Variants in CHLSN observed in about 807,000 individuals in gnomAD.
The protein encoded by CHLSN is protein cholesin.
chr7:1,083,420 C>G, the CHLSN span, among the ~76,000 whole-genome samples: 1 of 151,726 alleles, frequency 6.6e-6, no homozygotes, highest in African/African-American at 2.4e-5. Flanking sequence ...GTCAGGAGAT[C>G]GAGACCATCC....
the CHLSN span, among the ~76,000 whole-genome samples, chr7:1,061,844 T>G: frequency 2.9e-5 from 4 of 139,916 alleles, no homozygotes; most frequent in Non-Finnish European, 6.1e-5. Flanking sequence ...TCTCCCCAAC[T>G]CCCCAATTCT....
the CHLSN span, among the ~76,000 whole-genome samples, chr7:1,005,060 C>T: frequency 2.6e-5 from 4 of 152,250 alleles, no homozygotes; most frequent in African/African-American, 7.2e-5. Context: ...TTTGGGAGGC[C>T]GAGGGCGGAT....
At chr7:998,898 T>C in the CHLSN span, among the ~76,000 whole-genome samples, 4 of 152,238 alleles carry the variant, frequency 2.6e-5, no homozygotes, top group Non-Finnish European at 4.4e-5. Context: ...AGCTTTTAAA[T>C]TTAAGTCTCT....
At chr7:1,010,502 G>T in the CHLSN span, among the ~76,000 whole-genome samples, 1 of 152,216 alleles carries the variant, frequency 6.6e-6, no homozygotes, top group African/African-American at 2.4e-5. Flanking sequence ...CCCAGGGAGG[G>T]CTGAAGGTGT....
At chr7:1,126,992 A>G in the CHLSN span, among the ~76,000 whole-genome samples, 2 of 151,916 alleles carry the variant, frequency 1.3e-5, no homozygotes, top group Non-Finnish European at 2.9e-5. Context: ...GCATGCCGCC[A>G]CCAAGTCCCC....
the CHLSN span, among the ~76,000 whole-genome samples, chr7:1,061,141 G>C: frequency 6.6e-6 from 1 of 152,206 alleles, no homozygotes. Flanking sequence ...AAAGGCAGGA[G>C]GGGCCTAAAA....
chr7:1,017,240 G>C, the CHLSN span, among the ~76,000 whole-genome samples: 1 of 152,220 alleles, frequency 6.6e-6, no homozygotes. Flanking sequence ...AGGACCCACT[G>C]TCTCTCAGAG....
At chr7:994,898 C>T in the CHLSN span, among the ~76,000 whole-genome samples, 1 of 152,288 alleles carries the variant, frequency 6.6e-6, no homozygotes, top group Non-Finnish European at 1.5e-5. Flanking sequence ...CATGCCCACG[C>T]TAAGTTTGGC....
At chr7:1,136,376 AT>A in the CHLSN span, among the ~76,000 whole-genome samples, 10 of 103,024 alleles carry the variant, frequency 9.7e-5, 1 homozygote, top group African/African-American at 2.3e-4. Flanking sequence ...ATAAATATAT[AT>A]AAATATATAA....
chr7:980,244 A>G, the CHLSN span, among the ~76,000 whole-genome samples: 1 of 143,974 alleles, frequency 6.9e-6, no homozygotes, highest in Non-Finnish European at 1.5e-5. Context: ...CCTGCCTCTG[A>G]TGTCAGGGGC....
At chr7:1,067,969 G>A in the CHLSN span, among the ~76,000 whole-genome samples, 2 of 152,240 alleles carry the variant, frequency 1.3e-5, no homozygotes, top group South Asian at 2.1e-4. Flanking sequence ...GAGGCTTCCC[G>A]CCTCTGGCAG....
the CHLSN span, among the ~76,000 whole-genome samples, chr7:1,013,781 A>T: frequency 6.6e-6 from 1 of 152,168 alleles, no homozygotes; most frequent in Non-Finnish European, 1.5e-5. Flanking sequence ...AAGTACAGTC[A>T]CCCTATCTCA....
chr7:1,053,370 G>A, the CHLSN span, among the ~76,000 whole-genome samples: 15 of 152,246 alleles, frequency 9.9e-5, no homozygotes, highest in Admixed American at 9.8e-4. Flanking sequence ...CCCGGCTAAT[G>A]TGCCCGGAAC....
At chr7:986,939 T>C in the CHLSN span, 1 of 1,323,626 alleles carries the variant, frequency 7.6e-7, no homozygotes, top group Non-Finnish European at 1.0e-6. Context: ...AGCCTCAGTC[T>C]CCTTGTCTGT....
chr7:1,062,530 T>C, the CHLSN span, among the ~76,000 whole-genome samples: 12 of 152,268 alleles, frequency 7.9e-5, no homozygotes, highest in Non-Finnish European at 1.0e-4. Context: ...AGGGAGTACC[T>C]TGGCTGCTGG....
chr7:985,751 C>T, the CHLSN span, among the ~76,000 whole-genome samples: 1 of 152,222 alleles, frequency 6.6e-6, no homozygotes, highest in South Asian at 2.1e-4. Context: ...TTTCATTTAG[C>T]TTCAAAATGT....
At chr7:979,300 G>C in the CHLSN span, among the ~76,000 whole-genome samples, 1 of 152,188 alleles carries the variant, frequency 6.6e-6, no homozygotes, top group Non-Finnish European at 1.5e-5. Context: ...CGGAGGCTCT[G>C]CACCTGCTCA....
At chr7:1,021,349 G>A in the CHLSN span, 1 of 984,320 alleles carries the variant, frequency 1.0e-6, no homozygotes, top group Non-Finnish European at 1.2e-6. Context: ...CATCGTGGCA[G>A]TAGGACCTGA....
At chr7:1,063,414 C>T in the CHLSN span, among the ~76,000 whole-genome samples, 1 of 152,230 alleles carries the variant, frequency 6.6e-6, no homozygotes, top group Non-Finnish European at 1.5e-5. Flanking sequence ...CCCTGTGCTG[C>T]TCCTGGGGTG....
Sources: allele counts gnomAD v4.1 joint callset (sites outside exome capture counted in the v4.1 genomes callset), GRCh38; gene constraint gnomAD v4.1.1; transcripts MANE v1.5; gene names NCBI Gene and HGNC (gene_info 2026-07-23, HGNC 2026-07-21).